Variants in AMBRA1 observed in about 807,000 individuals in gnomAD.
The protein encoded by AMBRA1 is autophagy and beclin 1 regulator 1.
Under a neutral mutation model 125.4 loss-of-function variants are expected in AMBRA1, and 47 were observed. The ratio of observed to expected loss-of-function variants is 0.37; its 90% confidence interval spans 0.30 to 0.48. The LOEUF is 0.48. Ranked by LOEUF, AMBRA1 falls within the 20% of genes least tolerant of loss-of-function variation. The pLI, the probability that AMBRA1 is intolerant of heterozygous loss-of-function variation, is 0.99. For missense variants in AMBRA1, 1,331 were observed against 1,693.4 expected (o/e 0.79, Z 3.76); for synonymous variants, 626 against 655.5 (o/e 0.95, Z 0.69).
At chr11:46,485,465 T>C (rs1950233418) in intron 11 of AMBRA1, among the ~76,000 whole-genome samples, 1 of 152,216 alleles carries the variant, frequency 6.6e-6, no homozygotes, top group Non-Finnish European at 1.5e-5. Flanking sequence ...TTAGCTAATC[T>C]ATCAAGACTG....
At chr11:46,588,074 T>G (rs900955691) in intron 1 of AMBRA1, among the ~76,000 whole-genome samples, 2 of 152,192 alleles carry the variant, frequency 1.3e-5, no homozygotes, top group Non-Finnish European at 2.9e-5. Context: ...GGCTCATGCA[T>G]GTAATCACAG....
chr11:46,446,812 A>G (rs1326353346), intron 11 of AMBRA1, among the ~76,000 whole-genome samples: 1 of 152,256 alleles, frequency 6.6e-6, no homozygotes, highest in Non-Finnish European at 1.5e-5. Context: ...TAGCACCACT[A>G]CTAGAATGTC....
chr11:46,540,755 G>A (rs541374034), intron 7 of AMBRA1, among the ~76,000 whole-genome samples: 8 of 152,176 alleles, frequency 5.3e-5, no homozygotes, highest in East Asian at 3.9e-4. Flanking sequence ...ATCCAATCTC[G>A]GTACCATACA....
chr11:46,583,042 A>G (rs1196585011), intron 1 of AMBRA1, among the ~76,000 whole-genome samples: 2 of 152,190 alleles, frequency 1.3e-5, no homozygotes, highest in Non-Finnish European at 2.9e-5. Flanking sequence ...ACTGTCGCCA[A>G]GTCAATCCTA....
intron 12 of AMBRA1, among the ~76,000 whole-genome samples, chr11:46,438,419 T>A (rs541976894): frequency 6.6e-6 from 1 of 152,248 alleles, no homozygotes; most frequent in Non-Finnish European, 1.5e-5. Context: ...ATCAGCTCCA[T>A]AAATTATAAA....
At chr11:46,479,035 C>CA (rs777889668) in intron 11 of AMBRA1, among the ~76,000 whole-genome samples, 2 of 151,896 alleles carry the variant, frequency 1.3e-5, no homozygotes, top group Admixed American at 6.6e-5. Flanking sequence ...CCTGTCTCTA[C>CA]AAAAAATACC....
At chr11:46,431,771 A>G (rs1024067515) in intron 14 of AMBRA1, among the ~76,000 whole-genome samples, 2 of 152,254 alleles carry the variant, frequency 1.3e-5, no homozygotes, top group African/African-American at 4.8e-5. Context: ...AGAATATTTA[A>G]ATGAAAACTC....
At chr11:46,527,447 T>C (rs1431095630) in intron 7 of AMBRA1, among the ~76,000 whole-genome samples, 5 of 112,078 alleles carry the variant, frequency 4.5e-5, no homozygotes, top group African/African-American at 1.7e-4. Context: ...GCCACTGTAT[T>C]CCAGCCTAGG....
intron 11 of AMBRA1, among the ~76,000 whole-genome samples, chr11:46,470,889 A>G (rs1949560583): frequency 1.3e-5 from 2 of 152,224 alleles, no homozygotes; most frequent in South Asian, 2.1e-4. Flanking sequence ...AAAAATTCCC[A>G]CCTTCATGGA....
At chr11:46,475,923 G>A (rs1225614088) in intron 11 of AMBRA1, among the ~76,000 whole-genome samples, 1 of 152,150 alleles carries the variant, frequency 6.6e-6, no homozygotes, top group Admixed American at 6.5e-5. Flanking sequence ...TTTTTTTCAG[G>A]AATTCTAAAC....
intron 17 of AMBRA1, among the ~76,000 whole-genome samples, chr11:46,402,033 C>A (rs1436486523): frequency 1.3e-5 from 2 of 152,230 alleles, no homozygotes; most frequent in Non-Finnish European, 2.9e-5. Context: ...ACTGTGCACA[C>A]TGTGCCATGC....
rs537183762 is a variant in AMBRA1, at chr11:46,536,570, A to G, written c.2072+5375T>C. On this transcript the variant is annotated intron_variant, in intron 7 of 17. Transcript: ENST00000683756. ...CCTTTCTATAGTAGTCAGGCTAAGA[A>G]GACTGCTACTTTCCTCATTTTTAGG... Among the ~76,000 whole-genome samples, 5 of 152,346 alleles carry G rather than the reference A, an allele frequency of 3.3e-5. No individual in the cohort carries two copies. The South Asian group carries it at 6.2e-4, about 19-fold the overall frequency.
intron 11 of AMBRA1, among the ~76,000 whole-genome samples, chr11:46,461,499 T>C (rs1949086631): frequency 6.6e-6 from 1 of 152,220 alleles, no homozygotes; most frequent in Admixed American, 6.5e-5. Context: ...AGAACATTTA[T>C]GTGCTTTCCC....
At chr11:46,496,920 T>C (rs1950652010) in intron 9 of AMBRA1, among the ~76,000 whole-genome samples, 1 of 151,818 alleles carries the variant, frequency 6.6e-6, no homozygotes, top group African/African-American at 2.4e-5. Flanking sequence ...GAGACCAGCC[T>C]GGTCAACATG....
At chr11:46,472,295 C>A (rs567790441) in intron 11 of AMBRA1, among the ~76,000 whole-genome samples, 2 of 152,314 alleles carry the variant, frequency 1.3e-5, no homozygotes, top group Admixed American at 1.3e-4. Flanking sequence ...CTGAGCCTGT[C>A]TCTTAGCATT....
At chr11:46,460,585 A>C (rs1460742812) in intron 11 of AMBRA1, among the ~76,000 whole-genome samples, 1 of 152,300 alleles carries the variant, frequency 6.6e-6, no homozygotes, top group East Asian at 1.9e-4. Context: ...AGCCTCCCAA[A>C]GTGCTGGCAT....
intron 11 of AMBRA1, among the ~76,000 whole-genome samples, chr11:46,469,838 CTTTTTTTTT>C (rs34785738): frequency 7.8e-6 from 1 of 128,314 alleles, no homozygotes; most frequent in African/African-American, 2.9e-5. Flanking sequence ...CTAACTTAAA[CTTTTTTTTT>C]TTTTTTTTTT....
At chr11:46,535,826 C>T (rs997871514) in intron 7 of AMBRA1, among the ~76,000 whole-genome samples, 2 of 152,134 alleles carry the variant, frequency 1.3e-5, no homozygotes, top group African/African-American at 4.8e-5. Context: ...CCAGTGCTCT[C>T]GAGGAAGGCG....
At chr11:46,497,394 T>A (rs981305668) in intron 9 of AMBRA1, among the ~76,000 whole-genome samples, 1 of 151,848 alleles carries the variant, frequency 6.6e-6, no homozygotes, top group African/African-American at 2.4e-5. Flanking sequence ...TAAGGGGAGG[T>A]GCTCATGCTG....
Sources: allele counts gnomAD v4.1 joint callset (sites outside exome capture counted in the v4.1 genomes callset), GRCh38; gene constraint gnomAD v4.1.1; transcripts MANE v1.5; gene names NCBI Gene and HGNC (gene_info 2026-07-23, HGNC 2026-07-21).